Variants in CTPS2 observed in about 807,000 individuals in gnomAD.
CTPS2 encodes the protein CTP synthase II.
In CTPS2, 19 loss-of-function variants were observed where a neutral mutation model predicts 46.8. That is an observed-to-expected ratio of 0.41 (90% CI 0.28 to 0.60). The LOEUF is 0.60. Among genes scored for constraint, CTPS2 ranks in the 20% least tolerant of loss-of-function variants. The probability of loss-of-function intolerance (pLI) is 0.35; values close to 1 mark genes in which losing one functional copy is unlikely to be tolerated. For missense variants in CTPS2, 286 were observed against 447.6 expected, an observed-to-expected ratio of 0.64 and a Z score of 3.26; for synonymous variants, 151 against 165.2, an observed-to-expected ratio of 0.91 and a Z score of 0.66.
intron 15 of CTPS2, among the ~76,000 whole-genome samples, chrX:16,619,559 C>T (rs1373160413): frequency 1.8e-5 from 2 of 110,547 alleles, no homozygotes; most frequent in African/African-American, 6.6e-5. Context: ...ACAACAGGAG[C>T]CCTGGTTGTG....
At chrX:16,620,915 T>G (rs891030047) in intron 14 of CTPS2, among the ~76,000 whole-genome samples, 2 of 112,333 alleles carry the variant, frequency 1.8e-5, no homozygotes, top group African/African-American at 6.5e-5. Context: ...CAGTTGGACT[T>G]CTCAGAATTT....
chrX:16,620,465 T>A, intron 14 of CTPS2, 133 bp from the exon 15 acceptor site: 1 of 417,904 alleles, frequency 2.4e-6, no homozygotes, highest in Non-Finnish European at 4.1e-6. Context: ...ATAGACTCCA[T>A]ATAGTCATCT....
intron 10 of CTPS2, among the ~76,000 whole-genome samples, chrX:16,674,674 T>TA (rs1227184446): frequency 2.0e-5 from 2 of 102,086 alleles, no homozygotes; most frequent in Non-Finnish European, 2.0e-5. Flanking sequence ...CCGTCTCTAC[T>TA]AAAAATACAA....
chrX:16,707,899 T>C (rs971929779), intron 1 of CTPS2, among the ~76,000 whole-genome samples: 3 of 111,289 alleles, frequency 2.7e-5, no homozygotes, highest in Non-Finnish European at 3.8e-5. Context: ...GGAGAATCAC[T>C]TGAAGCCGGG....
rs752367664 is a variant in CTPS2, at chrX:16,678,908, A to T, written c.1006-458T>A. On this transcript the variant is annotated intron_variant, in intron 9 of 18. Transcript: ENST00000359276. The stretch of plus-strand genomic sequence containing the variant: ...AAAAAGCAACTAGGACGTCACTAGA[A>T]CTGAACACTGGAGGAAAGACAGGAA... Among the ~76,000 whole-genome samples the T allele has an allele frequency of 4.5e-5, 5 of 110,986 alleles. No individual in the cohort carries two copies. In the Middle Eastern group the frequency reaches 0.019, roughly 415 times the overall value.
intron 1 of CTPS2, among the ~76,000 whole-genome samples, chrX:16,706,162 G>A (rs186350684): frequency 9.1e-6 from 1 of 110,177 alleles, no homozygotes; most frequent in Non-Finnish European, 1.9e-5. Flanking sequence ...AGTGGCTCAC[G>A]CCTATAATCC....
At chrX:16,627,822 C>T (rs1249950597) in intron 14 of CTPS2, among the ~76,000 whole-genome samples, 2 of 111,407 alleles carry the variant, frequency 1.8e-5, no homozygotes, top group East Asian at 2.8e-4. Flanking sequence ...CAGACACCCC[C>T]GAAACCTGCA....
Position 16,646,386 on chromosome X carries a change from C to T in CTPS2, c.1297-7143G>A, listed in dbSNP as rs779524294. Among the ~76,000 whole-genome samples the T allele has an allele frequency of 3.6e-5, 4 of 112,243 alleles. No individual in the cohort carries two copies. The East Asian group carries it at 8.5e-4, about 24-fold the overall frequency. On this transcript the variant is annotated intron_variant, in intron 13 of 18. Coordinates refer to ENST00000359276, the MANE Select transcript of CTPS2 (RefSeq NM_175859.3). The stretch of plus-strand genomic sequence containing the variant: ...AGTTGCAGCAAGGATTTAAGGAGGC[C>T]GTGGGAGTTGGGTGCCTAGGTCAGC...
intron 14 of CTPS2, among the ~76,000 whole-genome samples, chrX:16,628,285 A>T (rs1308129435): frequency 3.6e-5 from 4 of 111,964 alleles, no homozygotes; most frequent in Non-Finnish European, 7.5e-5. Context: ...TTTTTAGTAT[A>T]ATACATCTGA....
chrX:16,650,255 C>T (rs1449870502), intron 13 of CTPS2: 1 of 111,604 alleles, frequency 9.0e-6, no homozygotes, highest in African/African-American at 3.3e-5. Flanking sequence ...CATTAATACT[C>T]TGCTTCCTTT....
At chrX:16,656,335 C>T (rs944531477) in intron 13 of CTPS2, among the ~76,000 whole-genome samples, 3 of 111,863 alleles carry the variant, frequency 2.7e-5, no homozygotes, top group Admixed American at 9.5e-5. Context: ...ATTTTTACCT[C>T]GCGCTCTAGA....
At chrX:16,692,888 T>G (rs970505994) in intron 6 of CTPS2, among the ~76,000 whole-genome samples, 1 of 109,112 alleles carries the variant, frequency 9.2e-6, no homozygotes, top group Non-Finnish European at 1.9e-5. Flanking sequence ...CAAAACTCTG[T>G]CTCTACTAAA....
In CTPS2 at chrX:16,701,842, G is replaced by A. The variant is rs188078534; in HGVS notation, c.166+895C>T. Among the ~76,000 whole-genome samples, 787 of 108,472 alleles carry A rather than the reference G, an allele frequency of 7.3e-3. 6 individuals carry two copies. The highest frequency in any genetic ancestry group is 0.024 in the African/African-American group (729 of 29,923). 94.2% of individuals were successfully genotyped at this position (108,472 alleles called of 115,157 possible). On this transcript the variant is annotated intron_variant, in intron 2 of 18. Transcript: ENST00000359276. ...TCTCGATCTCCTGACCTCGTGATCC[G>A]CCCGCCTCAGCCTCCCAAAGTGCTA...
intron 10 of CTPS2, among the ~76,000 whole-genome samples, chrX:16,675,545 A>C (rs1292919228): frequency 1.8e-5 from 2 of 112,187 alleles, no homozygotes; most frequent in Non-Finnish European, 3.8e-5. Flanking sequence ...AAACTTCTAT[A>C]ATTCTAATAT....
intron 17 of CTPS2, among the ~76,000 whole-genome samples, chrX:16,601,498 G>A (rs1049821926): frequency 2.8e-5 from 3 of 108,195 alleles, no homozygotes; most frequent in Admixed American, 2.0e-4. Flanking sequence ...AAAACCCTCT[G>A]GGGAGTTCAG....
At chrX:16,599,765 C>T (rs1462671455) in intron 17 of CTPS2, among the ~76,000 whole-genome samples, 1 of 96,845 alleles carries the variant, frequency 1.0e-5, no homozygotes, top group Non-Finnish European at 2.1e-5. Context: ...CGTGAGCCAC[C>T]GCACCCGGCA....
intron 16 of CTPS2, among the ~76,000 whole-genome samples, chrX:16,613,359 G>C (rs769052722): frequency 9.0e-6 from 1 of 111,726 alleles, no homozygotes; most frequent in Non-Finnish European, 1.9e-5. Context: ...AGAAGGGATG[G>C]CTTGGAAGCA....
chrX:16,702,746 A>G lies in CTPS2; in HGVS notation c.157T>C (p.Tyr53His). The change falls in exon 2 of 19, where the codon TAT becomes CAT. Residue 53 changes from tyrosine (Y) to histidine (H), a missense_variant. Transcript: ENST00000359276. ...TGGTTCACTTTCGTACCGTGTTCAT[A>G]AGGTGAAAAAGTGCCAGCATCGATG... The part of the protein sequence containing the change: ...INIDAGTFSP[Y>H]EHGEVFVLND... 1 of 1,210,355 alleles carries G rather than the reference A, an allele frequency of 8.3e-7. No individual in the cohort carries two copies. The highest frequency in any genetic ancestry group is 1.1e-6 in the Non-Finnish European group (1 of 894,347).
At chrX:16,651,249 G>A in intron 13 of CTPS2, 1 of 737,766 alleles carries the variant, frequency 1.4e-6, no homozygotes, top group Non-Finnish European at 2.0e-6. Context: ...CTTGAGGGAG[G>A]ACACATGCAG....
Sources: allele counts gnomAD v4.1 joint callset (sites outside exome capture counted in the v4.1 genomes callset), GRCh38; gene constraint gnomAD v4.1.1; transcripts MANE v1.5; gene names NCBI Gene and HGNC (gene_info 2026-07-23, HGNC 2026-07-21).